The following RANBP2 variants were observed in gnomAD, a reference collection of about 807,000 sequenced individuals.
The protein encoded by RANBP2 is E3 SUMO-protein ligase RanBP2.
RANBP2 carries 57 observed loss-of-function variants against 303.6 expected under a neutral mutation model. That is an observed-to-expected ratio of 0.19 (90% CI 0.15 to 0.23). The LOEUF is 0.23. RANBP2 is among the 10% of genes least tolerant of loss of function. The pLI is 1.00. For synonymous variants in RANBP2, 1,167 were observed against 1,301.5 expected, an observed-to-expected ratio of 0.90 and a Z score of 2.23; for missense variants, 3,138 against 3,780.8, an observed-to-expected ratio of 0.83 and a Z score of 4.46.
At chr2:109,374,178 G>A in the RANBP2 span, among the ~76,000 whole-genome samples, 1 of 152,134 alleles carries the variant, frequency 6.6e-6, no homozygotes. Context: ...TGGATAGGAA[G>A]CCCTGGACTG....
chr2:109,048,776 G>A, the RANBP2 span, among the ~76,000 whole-genome samples: 4 of 152,146 alleles, frequency 2.6e-5, no homozygotes, highest in Admixed American at 2.6e-4. Context: ...GTTGGAGATG[G>A]AATAAAGAAG....
the RANBP2 span, among the ~76,000 whole-genome samples, chr2:109,006,727 G>A: frequency 1.3e-5 from 2 of 152,264 alleles, no homozygotes; most frequent in East Asian, 3.9e-4. Context: ...GCTGCGCAGA[G>A]GCCCAACAGC....
the RANBP2 span, chr2:109,546,343 C>A: frequency 3.4e-6 from 2 of 590,556 alleles, no homozygotes; most frequent in South Asian, 4.4e-5. Context: ...CACAGAATAA[C>A]CTACACAGTC....
the RANBP2 span, among the ~76,000 whole-genome samples, chr2:109,705,435 T>A: frequency 6.6e-6 from 1 of 151,860 alleles, no homozygotes; most frequent in African/African-American, 2.4e-5. Context: ...AAAACCAAAG[T>A]GGAATATATG....
chr2:109,585,428 G>C, the RANBP2 span: 1 of 937,810 alleles, frequency 1.1e-6, no homozygotes, highest in East Asian at 2.5e-5. Context: ...TCAAAGGCCA[G>C]GGTGCGCATG....
the RANBP2 span, among the ~76,000 whole-genome samples, chr2:109,248,399 C>T: frequency 1.3e-5 from 2 of 152,136 alleles, no homozygotes; most frequent in Non-Finnish European, 2.9e-5. Flanking sequence ...TGTTATCGCT[C>T]TCATTTTTTT....
chr2:108,786,648 G>C, downstream of RANBP2: 1 of 627,146 alleles, frequency 1.6e-6, no homozygotes, highest in Non-Finnish European at 2.9e-6. Context: ...GAAACTTGGA[G>C]GACGCGCTGA....
chr2:109,409,692 C>T, the RANBP2 span, among the ~76,000 whole-genome samples: 5 of 152,048 alleles, frequency 3.3e-5, no homozygotes, highest in African/African-American at 1.2e-4. Flanking sequence ...GGCCACTGCC[C>T]TCCCCGAGAG....
At chr2:108,849,841 G>C in the RANBP2 span, among the ~76,000 whole-genome samples, 1 of 152,306 alleles carries the variant, frequency 6.6e-6, no homozygotes, top group Non-Finnish European at 1.5e-5. Context: ...ACATGCTGCT[G>C]CCATCAAGAA....
chr2:109,316,392 C>G, the RANBP2 span, among the ~76,000 whole-genome samples: 3 of 152,178 alleles, frequency 2.0e-5, no homozygotes, highest in Non-Finnish European at 4.4e-5. Flanking sequence ...TGCCATGTTT[C>G]TCCCTGGCTC....
At chr2:108,929,402 G>A in the RANBP2 span, 1 of 1,613,086 alleles carries the variant, frequency 6.2e-7, no homozygotes. Flanking sequence ...AGAGGACAGG[G>A]GACACAGGTG....
At chr2:109,077,922 A>G in the RANBP2 span, among the ~76,000 whole-genome samples, 2 of 148,342 alleles carry the variant, frequency 1.3e-5, no homozygotes, top group African/African-American at 4.9e-5. Context: ...AATAAAAAAT[A>G]AAACTATCAT....
chr2:109,140,542 G>A, the RANBP2 span, among the ~76,000 whole-genome samples: 1 of 151,960 alleles, frequency 6.6e-6, no homozygotes, highest in Non-Finnish European at 1.5e-5. Context: ...CACCATGCCT[G>A]GCTAATTTTT....
chr2:108,903,445 AAAAAT>A, the RANBP2 span, among the ~76,000 whole-genome samples: 5 of 152,196 alleles, frequency 3.3e-5, no homozygotes, highest in African/African-American at 7.2e-5. Flanking sequence ...TTTTTGAAAA[AAAAAT>A]AAAGGAAAAT....
At chr2:109,236,467 T>A in the RANBP2 span, among the ~76,000 whole-genome samples, 417 of 152,276 alleles carry the variant, frequency 2.7e-3, 4 homozygotes, top group African/African-American at 9.7e-3. Flanking sequence ...TGAGCCGTGT[T>A]TTTTAGGAAT....
chr2:108,905,672 C>T, the RANBP2 span, among the ~76,000 whole-genome samples: 13 of 152,146 alleles, frequency 8.5e-5, no homozygotes, highest in Non-Finnish European at 1.6e-4. Context: ...TGACCTCAGC[C>T]ATGAGGGATT....
the RANBP2 span, among the ~76,000 whole-genome samples, chr2:108,871,153 A>G: frequency 6.6e-6 from 1 of 152,160 alleles, no homozygotes; most frequent in Non-Finnish European, 1.5e-5. Flanking sequence ...ATACTTTTAC[A>G]GAAATGGCAT....
chr2:109,680,081 C>T, the RANBP2 span, among the ~76,000 whole-genome samples: 4 of 151,716 alleles, frequency 2.6e-5, no homozygotes, highest in Non-Finnish European at 4.4e-5. Flanking sequence ...TGTGATGGCT[C>T]ACACCTGTAA....
At chr2:109,078,224 G>T in the RANBP2 span, among the ~76,000 whole-genome samples, 2 of 51,564 alleles carry the variant, frequency 3.9e-5, no homozygotes. Flanking sequence ...TATATATATA[G>T]CGTGTATATA....
Sources: allele counts gnomAD v4.1 joint callset (sites outside exome capture counted in the v4.1 genomes callset), GRCh38; gene constraint gnomAD v4.1.1; transcripts MANE v1.5; gene names NCBI Gene and HGNC (gene_info 2026-07-23, HGNC 2026-07-21).